The following SDK1 variants were observed in gnomAD, a reference collection of about 807,000 sequenced individuals.
SDK1 encodes the protein sidekick cell adhesion molecule 1, also known as protein sidekick-1.
SDK1 carries 157 observed loss-of-function variants against 245.5 expected under a neutral mutation model. That is an observed-to-expected ratio of 0.64 (90% CI 0.56 to 0.73). The LOEUF is 0.73. Ranked by LOEUF, SDK1 falls within the 30% of genes least tolerant of loss-of-function variation. The probability of loss-of-function intolerance (pLI) is 0.00; values close to 1 mark genes in which losing one functional copy is unlikely to be tolerated. For synonymous variants in SDK1, 1,647 were observed against 1,278.5 expected, an observed-to-expected ratio of 1.29 and a Z score of -6.15; for missense variants, 3,583 against 3,002.3, an observed-to-expected ratio of 1.19 and a Z score of -4.52.
intron 4 of SDK1, among the ~76,000 whole-genome samples, chr7:3,749,506 A>G (rs1413782044): frequency 6.6e-6 from 1 of 152,102 alleles, no homozygotes; most frequent in East Asian, 1.9e-4. Flanking sequence ...TCACCATGTT[A>G]TCCAGGCTGG....
At chr7:3,310,640 T>C (rs1240601371) in intron 1 of SDK1, among the ~76,000 whole-genome samples, 1 of 152,186 alleles carries the variant, frequency 6.6e-6, no homozygotes, top group African/African-American at 2.4e-5. Flanking sequence ...TGGTTTTGAA[T>C]TTATTAATGT....
chr7:3,913,692 A>AC (rs1482354271), intron 5 of SDK1, among the ~76,000 whole-genome samples: 1 of 150,624 alleles, frequency 6.6e-6, no homozygotes, highest in East Asian at 2.0e-4. Flanking sequence ...ACTCTCCTAA[A>AC]CCCCCTTGAG....
chr7:3,428,199 A>G (rs1314815876), intron 1 of SDK1, among the ~76,000 whole-genome samples: 1 of 152,182 alleles, frequency 6.6e-6, no homozygotes, highest in East Asian at 1.9e-4. Flanking sequence ...GGATCATGAT[A>G]CAGATCTGTT....
chr7:3,595,234 T>A (rs1219017869), intron 1 of SDK1, among the ~76,000 whole-genome samples: 2 of 152,142 alleles, frequency 1.3e-5, no homozygotes, highest in Non-Finnish European at 2.9e-5. Flanking sequence ...ATTTTGCTTG[T>A]AATTATATAT....
At chr7:3,907,260 A>G (rs1778983520) in intron 5 of SDK1, among the ~76,000 whole-genome samples, 1 of 152,206 alleles carries the variant, frequency 6.6e-6, no homozygotes, top group African/African-American at 2.4e-5. Flanking sequence ...ACCCAAACAG[A>G]AGCTCTGTAC....
intron 1 of SDK1, among the ~76,000 whole-genome samples, chr7:3,395,208 T>C (rs899755484): frequency 3.3e-5 from 5 of 152,060 alleles, no homozygotes; most frequent in Admixed American, 3.3e-4. Flanking sequence ...TTTTGTCAAA[T>C]GTTTTCTCTG....
At chr7:3,940,972 C>T (rs934329276) in intron 5 of SDK1, among the ~76,000 whole-genome samples, 20 of 151,908 alleles carry the variant, frequency 1.3e-4, no homozygotes, top group Non-Finnish European at 2.2e-4. Flanking sequence ...CACCTGGGTA[C>T]CCCGCAGGCA....
chr7:4,002,564 A>G (rs1462714096), intron 14 of SDK1, among the ~76,000 whole-genome samples: 1 of 152,196 alleles, frequency 6.6e-6, no homozygotes, highest in African/African-American at 2.4e-5. Context: ...GTATGGACCT[A>G]TGCCTGTTTC....
Position 3,779,758 on chromosome 7 carries a change from C to T in SDK1, c.714-41692C>T, listed in dbSNP as rs936958946. ...CCATCCTGGCTAACAAGGTGAAACCCCGTCTCTACTGGAAATACAAAAAAT... is the reference window on the plus strand; with the variant it reads ...CCATCCTGGCTAACAAGGTGAAACCTCGTCTCTACTGGAAATACAAAAAAT... On this transcript the variant is annotated intron_variant, in intron 4 of 44. Transcript: ENST00000404826. Among the ~76,000 whole-genome samples, 5 of 151,704 alleles carry T rather than the reference C, an allele frequency of 3.3e-5. No homozygotes were observed. The South Asian group carries it at 6.3e-4, about 19-fold the overall frequency.
chr7:3,590,927 C>G (rs114467888), intron 1 of SDK1, among the ~76,000 whole-genome samples: 3,176 of 152,172 alleles, frequency 0.021, 123 homozygotes, highest in African/African-American at 0.072. Context: ...AGACTACTGG[C>G]ATGTGCCACC....
intron 1 of SDK1, among the ~76,000 whole-genome samples, chr7:3,551,220 A>G (rs971419710): frequency 2.0e-5 from 3 of 152,232 alleles, no homozygotes; most frequent in Non-Finnish European, 2.9e-5. Context: ...TGTGTTTGTA[A>G]TGTAGTATTT....
intron 1 of SDK1, among the ~76,000 whole-genome samples, chr7:3,548,666 G>A (rs12536753): frequency 0.22 from 32,794 of 152,040 alleles, 3,915 homozygotes; most frequent in South Asian, 0.38. Flanking sequence ...CTCCAGAAAG[G>A]CTGTGCTAAA....
intron 5 of SDK1, among the ~76,000 whole-genome samples, chr7:3,908,823 G>T (rs899282809): frequency 4.7e-5 from 7 of 149,720 alleles, no homozygotes; most frequent in South Asian, 2.1e-4. Flanking sequence ...TAGGAGGAAA[G>T]AATTCATTTT....
chr7:4,138,526 C>T (rs1779244167), intron 28 of SDK1, among the ~76,000 whole-genome samples: 2 of 151,898 alleles, frequency 1.3e-5, no homozygotes, highest in Admixed American at 6.6e-5. Flanking sequence ...AGGGTGGATC[C>T]ACGTGAGGTC....
At chr7:3,584,770 C>G (rs1006795007) in intron 1 of SDK1, among the ~76,000 whole-genome samples, 2 of 151,208 alleles carry the variant, frequency 1.3e-5, no homozygotes, top group Admixed American at 6.6e-5. Flanking sequence ...GTCCCCCAGG[C>G]TGGAGTGCAG....
At chr7:4,158,992 C>T (rs1013592665) in intron 31 of SDK1, among the ~76,000 whole-genome samples, 1 of 152,200 alleles carries the variant, frequency 6.6e-6, no homozygotes, top group African/African-American at 2.4e-5. Context: ...TCGGCGGCGT[C>T]AGGCCTGAAG....
rs143541781 is a variant in SDK1 at position 3,983,714 on chromosome 7, T to C, written c.1995-3472T>C. On this transcript the variant is annotated intron_variant, in intron 13 of 44. Transcript: ENST00000404826. ...CCTTCACATTATGAAACAGGTGATATTGAACACAAGAGATATTATCAAGGG... is the reference window on the plus strand; with the variant it reads ...CCTTCACATTATGAAACAGGTGATACTGAACACAAGAGATATTATCAAGGG... Among the ~76,000 whole-genome samples the C allele has an allele frequency of 1.4e-3, 215 of 152,304 alleles. 6 individuals are homozygous for C. The East Asian group carries it at 0.033, about 23-fold the overall frequency.
rs1013840332 is a variant in SDK1 at position 3,705,218 on chromosome 7, C to T, written c.713+63113C>T. On this transcript the variant is annotated intron_variant, in intron 4 of 44. Coordinates refer to ENST00000404826, the MANE Select transcript of SDK1 (RefSeq NM_152744.4). Reference sequence around the variant, plus strand: ...ATTTTAGTATTTTTTTTTCTAATTCCGTTAAAAATGATATAGGTATTTTGA... The same window carrying T: ...ATTTTAGTATTTTTTTTTCTAATTCTGTTAAAAATGATATAGGTATTTTGA... Among the ~76,000 whole-genome samples the T allele has an allele frequency of 9.2e-5, 14 of 151,604 alleles. No homozygotes were observed. In the East Asian group the frequency reaches 1.5e-3, roughly 17 times the overall value.
At position 3,421,642 on chromosome 7, in the gene SDK1, G is replaced by T. The variant is rs551411395; in HGVS notation, c.298+119758G>T. Among the ~76,000 whole-genome samples the T allele has an allele frequency of 2.6e-5, 4 of 152,276 alleles. No homozygotes were observed. In the South Asian group the frequency reaches 8.3e-4, roughly 32 times the overall value. On this transcript the variant is annotated intron_variant, in intron 1 of 44. Coordinates refer to ENST00000404826, the MANE Select transcript of SDK1 (RefSeq NM_152744.4). ...AGAATGGACATTTTCTACATTGCGT[G>T]AGCGTCTACAGCTAGAGAGTATCTC...
Sources: gnomAD v4.1 joint callset for allele counts (sites outside exome capture counted in the v4.1 genomes callset) on GRCh38, gnomAD v4.1.1 for gene constraint, MANE v1.5 for transcripts, NCBI Gene and HGNC (gene_info 2026-07-23, HGNC 2026-07-21) for gene names.